IKBKB: variants seen among roughly 807,000 people sequenced by gnomAD.
The protein encoded by IKBKB is inhibitor of nuclear factor kappa-B kinase subunit beta.
A neutral mutation model predicts 113.6 loss-of-function variants in IKBKB; 42 were observed. The observed-to-expected ratio is 0.37, with a 90% confidence interval of 0.29 to 0.48. IKBKB has a LOEUF of 0.48. IKBKB is among the 20% of genes least tolerant of loss of function. The pLI is 0.99. For synonymous variants in IKBKB, 296 were observed against 361.3 expected (o/e 0.82, Z 2.05); for missense variants, 673 against 939.7 (o/e 0.72, Z 3.71).
chr8:42,278,948 C>T (rs1585532908), intron 2 of IKBKB, among the ~76,000 whole-genome samples: 2 of 151,692 alleles, frequency 1.3e-5, no homozygotes, highest in Admixed American at 6.6e-5. Flanking sequence ...GAGTCGAGAT[C>T]GTGCTACTGC....
chr8:42,277,286 G>A (rs183541869), intron 2 of IKBKB, among the ~76,000 whole-genome samples: 89 of 149,692 alleles, frequency 5.9e-4, no homozygotes, highest in African/African-American at 2.1e-3. Flanking sequence ...GTGTTCAAGC[G>A]ATTCTCCTGT....
At chr8:42,293,107 A>T (rs1813001745) in intron 4 of IKBKB, among the ~76,000 whole-genome samples, 1 of 152,232 alleles carries the variant, frequency 6.6e-6, no homozygotes, top group African/African-American at 2.4e-5. Context: ...TAGGACTCTC[A>T]TGCACAGAGA....
chr8:42,326,109 T>C lies in IKBKB; in HGVS notation c.2114+12T>C. ...CCAGCCAAGAAGAGGTAGGTCCTCC[T>C]TAGCAGTGCCAAGTGTGACCATCAA... On this transcript the variant is annotated intron_variant, in intron 20 of 21. Coordinates refer to ENST00000520810, the MANE Select transcript of IKBKB (RefSeq NM_001556.3). 1.9e-6 allele frequency: 3 copies of C among 1,614,100 alleles called. No individual in the cohort carries two copies. The highest frequency in any genetic ancestry group is 2.5e-6 in the Non-Finnish European group (3 of 1,179,984).
intron 8 of IKBKB, among the ~76,000 whole-genome samples, chr8:42,313,078 T>G (rs536324844): frequency 1.6e-3 from 242 of 152,324 alleles, no homozygotes; most frequent in Non-Finnish European, 2.1e-3. Context: ...ATGATCTGTG[T>G]CAGAGTACTT....
intron 5 of IKBKB, among the ~76,000 whole-genome samples, chr8:42,302,976 C>T (rs931768358): frequency 2.2e-4 from 34 of 151,828 alleles, no homozygotes; most frequent in African/African-American, 6.8e-4. Context: ...TTTCCGTTAC[C>T]CTGCACAGAG....
intron 4 of IKBKB, among the ~76,000 whole-genome samples, chr8:42,291,397 G>T (rs1233747905): frequency 6.6e-6 from 1 of 152,136 alleles, no homozygotes; most frequent in Non-Finnish European, 1.5e-5. Context: ...AGCCAGGCTG[G>T]TCTCCAACTC....
chr8:42,320,939 G>A (rs1404084321), intron 16 of IKBKB, 95 bp downstream of exon 16: 3 of 689,314 alleles, frequency 4.4e-6, no homozygotes, highest in African/African-American at 1.9e-5. Context: ...GTGGCTGTGC[G>A]GGACCATTCT....
intron 20 of IKBKB, among the ~76,000 whole-genome samples, 162 bp from the exon 21 acceptor site, chr8:42,328,962 A>G (rs992312991): frequency 3.3e-5 from 5 of 152,268 alleles, no homozygotes; most frequent in Non-Finnish European, 7.3e-5. Context: ...GATGAATGAA[A>G]GTATTAGTCA....
chr8:42,299,247 A>G (rs952562849), intron 5 of IKBKB, among the ~76,000 whole-genome samples: 1 of 152,076 alleles, frequency 6.6e-6, no homozygotes, highest in East Asian at 1.9e-4. Flanking sequence ...TCCTGCTCAT[A>G]GCCTTGCATT....
At chr8:42,322,582 C>T (rs901747175) in intron 19 of IKBKB, 88 bp downstream of exon 19, 4 of 1,363,472 alleles carry the variant, frequency 2.9e-6, no homozygotes, top group African/African-American at 1.4e-5. Flanking sequence ...CCACACGGGA[C>T]ACCACAGAGC....
At chr8:42,274,034 A>AT (rs373666721) in intron 2 of IKBKB, among the ~76,000 whole-genome samples, 54 of 146,856 alleles carry the variant, frequency 3.7e-4, no homozygotes, top group East Asian at 8.0e-4. Flanking sequence ...AATATACAAT[A>AT]TTTTTTTTTT....
chr8:42,326,914 C>T (rs1249753993), intron 20 of IKBKB, among the ~76,000 whole-genome samples: 1 of 152,130 alleles, frequency 6.6e-6, no homozygotes, highest in Non-Finnish European at 1.5e-5. Context: ...TGGGTTCCTG[C>T]AGGCTAATCT....
At chr8:42,292,563 C>T (rs1812867861) in intron 4 of IKBKB, among the ~76,000 whole-genome samples, 2 of 152,174 alleles carry the variant, frequency 1.3e-5, no homozygotes, top group African/African-American at 4.8e-5. Context: ...TTGGCCAGCA[C>T]ATGGGGACAT....
At chr8:42,322,831 T>G (rs532192054) in intron 19 of IKBKB, among the ~76,000 whole-genome samples, 1 of 152,264 alleles carries the variant, frequency 6.6e-6, no homozygotes, top group African/African-American at 2.4e-5. Flanking sequence ...GTGGGAGGAT[T>G]GCTTGAGCCC....
rs1000989258 is a variant in IKBKB at position 42,329,899 on chromosome 8, ACCTCC to A, written c.2205+689_2205+693del. On this transcript the variant is annotated intron_variant, in intron 21 of 21. Transcript: ENST00000520810. Reference sequence around the variant, plus strand: ...GCCTTTACCTGCTAATCACTTGCTAACCTCCCCTAACTTTAAGCTTTTGGAAGAAT... The same window carrying A: ...GCCTTTACCTGCTAATCACTTGCTAACCTAACTTTAAGCTTTTGGAAGAAT... 13 of 985,244 alleles carry A rather than the reference ACCTCC, an allele frequency of 1.3e-5. No homozygotes were observed. In the African/African-American group the frequency reaches 2.3e-4, roughly 17 times the overall value. The allele number at this position is 985,244 out of a possible 1,614,324, so 61.0% of individuals were successfully genotyped here.
intron 5 of IKBKB, among the ~76,000 whole-genome samples, chr8:42,302,978 T>A (rs77402658): frequency 0.033 from 5,006 of 151,862 alleles, 267 homozygotes; most frequent in African/African-American, 0.12. Flanking sequence ...TCCGTTACCC[T>A]GCACAGAGGG....
intron 5 of IKBKB, among the ~76,000 whole-genome samples, chr8:42,302,287 T>C (rs1479215915): frequency 6.6e-6 from 1 of 152,202 alleles, no homozygotes; most frequent in Non-Finnish European, 1.5e-5. Flanking sequence ...ATTAACACAA[T>C]TGAGAACAAG....
intron 19 of IKBKB, among the ~76,000 whole-genome samples, chr8:42,323,632 A>G (rs1379648214): frequency 1.3e-5 from 2 of 152,198 alleles, no homozygotes; most frequent in Non-Finnish European, 1.5e-5. Flanking sequence ...GGAGATTCTC[A>G]TTGTCAAAGG....
chr8:42,276,660 A>T (rs1809156883), intron 2 of IKBKB, among the ~76,000 whole-genome samples: 1 of 150,058 alleles, frequency 6.7e-6, no homozygotes, highest in Non-Finnish European at 1.5e-5. Context: ...GGTCTTATCC[A>T]TAAAATCTTT....
Sources: allele counts gnomAD v4.1 joint callset (sites outside exome capture counted in the v4.1 genomes callset), GRCh38; gene constraint gnomAD v4.1.1; transcripts MANE v1.5; gene names NCBI Gene and HGNC (gene_info 2026-07-23, HGNC 2026-07-21).